Variants in PIBF1 observed in about 807,000 individuals in gnomAD.
PIBF1 encodes the protein progesterone immunomodulatory binding factor 1, also known as progesterone-induced-blocking factor 1.
In PIBF1, 90 loss-of-function variants were observed where a neutral mutation model predicts 112.5. That is an observed-to-expected ratio of 0.80 (90% CI 0.67 to 0.95). PIBF1 has a LOEUF of 0.95. PIBF1 is among the 40% of genes least tolerant of loss of function. The probability of loss-of-function intolerance (pLI) is 0.00; values close to 1 mark genes in which losing one functional copy is unlikely to be tolerated. For synonymous variants in PIBF1, 301 were observed against 288.6 expected (o/e 1.04, Z -0.44); for missense variants, 915 against 852.3 (o/e 1.07, Z -0.92).
intron 8 of PIBF1, among the ~76,000 whole-genome samples, chr13:72,834,875 A>G (rs1344200651): frequency 1.3e-5 from 2 of 152,232 alleles, no homozygotes; most frequent in African/African-American, 4.8e-5. Flanking sequence ...TCATCTCTCA[A>G]CATCATCCTA....
At chr13:72,955,373 TTGTGTG>T (rs150485983) in intron 14 of PIBF1, among the ~76,000 whole-genome samples, 13 of 147,692 alleles carry the variant, frequency 8.8e-5, no homozygotes, top group African/African-American at 2.5e-4. Flanking sequence ...ATGTGTGTGT[TTGTGTG>T]TGTGTGTGTG....
chr13:72,885,018 A>G (rs1053285677), intron 10 of PIBF1, among the ~76,000 whole-genome samples: 1 of 152,156 alleles, frequency 6.6e-6, no homozygotes, highest in Non-Finnish European at 1.5e-5. Flanking sequence ...CTAGTGAGTC[A>G]CGCATAGATT....
chr13:72,980,749 G>A (rs1448600529), intron 16 of PIBF1, among the ~76,000 whole-genome samples: 1 of 151,024 alleles, frequency 6.6e-6, no homozygotes, highest in East Asian at 2.0e-4. Context: ...AGGTTGCAGT[G>A]AGCCAAGATA....
rs574784874 is a variant in PIBF1, at chr13:72,872,128, TATA to T, written c.1322+17980_1322+17982del. 1.7e-3 allele frequency among the ~76,000 whole-genome samples: 253 copies of T among 152,314 alleles called. 1 individual carries two copies. The highest frequency in any genetic ancestry group is 2.9e-3 in the Non-Finnish European group (200 of 68,026). ...TGTCTCAGTTTCCTCATGTATAAAA[TATA>T]ATAATAGTAACTTATAGAATTGTGA... On this transcript the variant is annotated intron_variant, in intron 10 of 17. Coordinates refer to ENST00000326291, the MANE Select transcript of PIBF1 (RefSeq NM_006346.4).
At chr13:72,961,473 A>C (rs370075573) in intron 14 of PIBF1, among the ~76,000 whole-genome samples, 11 of 152,346 alleles carry the variant, frequency 7.2e-5, no homozygotes, top group African/African-American at 2.6e-4. Context: ...AAAAAATACA[A>C]ATCATTTCTT....
intron 17 of PIBF1, among the ~76,000 whole-genome samples, chr13:72,999,450 A>G (rs1026373327): frequency 6.6e-6 from 1 of 152,268 alleles, no homozygotes; most frequent in South Asian, 2.1e-4. Flanking sequence ...TAGGAGTAAC[A>G]TTATTAAATA....
intron 10 of PIBF1, among the ~76,000 whole-genome samples, chr13:72,862,920 T>C (rs2038759271): frequency 6.6e-6 from 1 of 152,134 alleles, no homozygotes; most frequent in Non-Finnish European, 1.5e-5. Flanking sequence ...AAGATTGTAA[T>C]CATAATTGTT....
At chr13:72,943,952 A>G (rs1355644537) in intron 14 of PIBF1, among the ~76,000 whole-genome samples, 1 of 152,224 alleles carries the variant, frequency 6.6e-6, no homozygotes, top group Non-Finnish European at 1.5e-5. Context: ...GTTCAATCTA[A>G]GATGAGCACT....
chr13:72,891,739 A>T (rs760821632), intron 10 of PIBF1, among the ~76,000 whole-genome samples: 1 of 152,168 alleles, frequency 6.6e-6, no homozygotes, highest in Non-Finnish European at 1.5e-5. Context: ...TCATGTTTAC[A>T]CAAAAACTTG....
At chr13:72,830,996 G>A (rs2037081753) in intron 8 of PIBF1, among the ~76,000 whole-genome samples, 1 of 152,022 alleles carries the variant, frequency 6.6e-6, no homozygotes, top group African/African-American at 2.4e-5. Flanking sequence ...TTTAGACTTG[G>A]GAGGGTGTAT....
chr13:72,898,897 A>G (rs2040382481), intron 11 of PIBF1, among the ~76,000 whole-genome samples: 1 of 151,960 alleles, frequency 6.6e-6, no homozygotes, highest in Non-Finnish European at 1.5e-5. Flanking sequence ...TTAACCAAGA[A>G]AAGAAGAAAA....
intron 16 of PIBF1, among the ~76,000 whole-genome samples, chr13:72,979,683 G>A (rs1006204946): frequency 3.9e-5 from 6 of 152,112 alleles, no homozygotes; most frequent in African/African-American, 1.4e-4. Context: ...CAGCACTTTC[G>A]GAGGCCGAGG....
chr13:72,972,000 TTTCATTTA>T (rs2042904205), intron 15 of PIBF1, among the ~76,000 whole-genome samples: 1 of 138,872 alleles, frequency 7.2e-6, no homozygotes, highest in Non-Finnish European at 1.5e-5. Flanking sequence ...GATTAGTGGC[TTTCATTTA>T]TTTATTTATT....
chr13:72,802,047 T>C (rs1489488942), intron 5 of PIBF1, among the ~76,000 whole-genome samples: 2 of 152,170 alleles, frequency 1.3e-5, no homozygotes, highest in East Asian at 1.9e-4. Context: ...ATACAGTATA[T>C]AATACATATA....
intron 16 of PIBF1, among the ~76,000 whole-genome samples, chr13:72,981,466 AG>A (rs2043156410): frequency 6.6e-6 from 1 of 152,104 alleles, no homozygotes; most frequent in Non-Finnish European, 1.5e-5. Context: ...TTAGACCACC[AG>A]TGTTACCTTT....
chr13:72,880,273 C>A (rs1485071081), intron 10 of PIBF1, among the ~76,000 whole-genome samples: 1 of 152,090 alleles, frequency 6.6e-6, no homozygotes, highest in Admixed American at 6.6e-5. Context: ...TTCCAAAATT[C>A]CAATATTTTA....
At chr13:72,974,082 T>C (rs1179200045) in intron 16 of PIBF1, 1 of 195,844 alleles carries the variant, frequency 5.1e-6, no homozygotes, top group African/African-American at 2.3e-5. Flanking sequence ...CCTACCAAAA[T>C]TCTTTTAGAG....
At chr13:72,868,338 C>G (rs2039011728) in intron 10 of PIBF1, among the ~76,000 whole-genome samples, 1 of 151,746 alleles carries the variant, frequency 6.6e-6, no homozygotes, top group Non-Finnish European at 1.5e-5. Context: ...GACTATTTCT[C>G]CTTGCCTTCA....
chr13:72,848,486 A>T (rs1409395887), intron 9 of PIBF1, among the ~76,000 whole-genome samples: 1 of 152,200 alleles, frequency 6.6e-6, no homozygotes, highest in Admixed American at 6.5e-5. Context: ...ATGGCACTAT[A>T]TTGCATATGA....
Sources: gnomAD v4.1 joint callset for allele counts (sites outside exome capture counted in the v4.1 genomes callset) on GRCh38, gnomAD v4.1.1 for gene constraint, MANE v1.5 for transcripts, NCBI Gene and HGNC (gene_info 2026-07-23, HGNC 2026-07-21) for gene names.